Variants in OTUD7A observed in about 807,000 individuals in gnomAD.
OTUD7A encodes OTU domain-containing protein 7A.
Under a neutral mutation model 65.7 loss-of-function variants are expected in OTUD7A, and 12 were observed. The ratio of observed to expected loss-of-function variants is 0.18; its 90% CI spans 0.12 to 0.30. The LOEUF (loss-of-function observed/expected upper bound fraction) is 0.30. Ranked by LOEUF, OTUD7A falls within the 10% of genes least tolerant of loss-of-function variation. The pLI is 1.00. For missense variants in OTUD7A, 1,148 were observed against 1,304.8 expected (o/e 0.88, Z 1.85); for synonymous variants, 641 against 586.3 (o/e 1.09, Z -1.35).
At chr15:31,507,256 A>C (rs143397538) in intron 8 of OTUD7A, among the ~76,000 whole-genome samples, 96 of 152,254 alleles carry the variant, frequency 6.3e-4, no homozygotes, top group African/African-American at 2.1e-3. Flanking sequence ...GTAGGTTTAG[A>C]GTTAGTTAAG....
At chr15:31,597,469 C>T (rs913408416) in intron 3 of OTUD7A, among the ~76,000 whole-genome samples, 9 of 151,308 alleles carry the variant, frequency 5.9e-5, no homozygotes, top group Non-Finnish European at 1.2e-4. Flanking sequence ...AGCGTCAAGG[C>T]CCTCCTTTTT....
At chr15:31,855,178 A>G (rs1897536816) in intron 1 of OTUD7A, among the ~76,000 whole-genome samples, 2 of 152,228 alleles carry the variant, frequency 1.3e-5, no homozygotes, top group African/African-American at 4.8e-5. Flanking sequence ...TACTTAGTTT[A>G]AAAGAAAGTG....
chr15:31,657,931 C>T (rs1270365868), intron 1 of OTUD7A, among the ~76,000 whole-genome samples: 1 of 152,202 alleles, frequency 6.6e-6, no homozygotes, highest in Non-Finnish European at 1.5e-5. Flanking sequence ...CTCCTCAGTG[C>T]ATCCTAGCCC....
chr15:31,792,194 T>C (rs891985287), intron 1 of OTUD7A, among the ~76,000 whole-genome samples: 1 of 152,232 alleles, frequency 6.6e-6, no homozygotes, highest in Non-Finnish European at 1.5e-5. Flanking sequence ...GTCATCTCTC[T>C]GCCACTTTAT....
At chr15:31,560,936 C>A (rs1189202970) in intron 4 of OTUD7A, among the ~76,000 whole-genome samples, 1 of 152,220 alleles carries the variant, frequency 6.6e-6, no homozygotes, top group African/African-American at 2.4e-5. Flanking sequence ...ACAGAAATGG[C>A]ATTCATGGAG....
At chr15:31,591,728 C>T (rs1889730083) in intron 3 of OTUD7A, among the ~76,000 whole-genome samples, 2 of 152,216 alleles carry the variant, frequency 1.3e-5, no homozygotes, top group Admixed American at 6.5e-5. Context: ...CACACACAAA[C>T]ATGTATGGAT....
At chr15:31,528,283 G>A (rs1048711600) in intron 6 of OTUD7A, among the ~76,000 whole-genome samples, 2 of 152,214 alleles carry the variant, frequency 1.3e-5, no homozygotes, top group African/African-American at 4.8e-5. Flanking sequence ...CAAATGGGTG[G>A]AGGAAGGAGC....
chr15:31,563,345 C>G (rs187135179), intron 4 of OTUD7A, among the ~76,000 whole-genome samples: 1 of 152,340 alleles, frequency 6.6e-6, no homozygotes, highest in African/African-American at 2.4e-5. Flanking sequence ...GAGCCAAGGA[C>G]TGGAAGGGGT....
intron 1 of OTUD7A, among the ~76,000 whole-genome samples, chr15:31,860,209 CA>C (rs2141014659): frequency 6.6e-6 from 1 of 152,264 alleles, no homozygotes; most frequent in African/African-American, 2.4e-5. Context: ...TGCTGTATGA[CA>C]AGCAAGTCCC....
At chr15:31,745,065 T>C (rs537449918) in intron 1 of OTUD7A, among the ~76,000 whole-genome samples, 20 of 152,132 alleles carry the variant, frequency 1.3e-4, no homozygotes, top group Admixed American at 2.0e-4. Context: ...CCTTACAAAA[T>C]AGAAAAATAT....
chr15:31,554,590 T>C (rs1443725593), intron 5 of OTUD7A, among the ~76,000 whole-genome samples: 4 of 152,190 alleles, frequency 2.6e-5, no homozygotes, highest in Admixed American at 6.5e-5. Flanking sequence ...AAGGTGTGCC[T>C]AGAGATTTTT....
In OTUD7A at chr15:31,642,674, T is replaced by C. The variant is rs1255896678; in HGVS notation, c.151+12422A>G. Reference sequence around the variant, plus strand: ...ATTTAACTTGCTGCATTTATTGGCATAGAATTGTTTATAATATTCCTTTAT... The same window carrying C: ...ATTTAACTTGCTGCATTTATTGGCACAGAATTGTTTATAATATTCCTTTAT... On this transcript the variant is annotated intron_variant, in intron 3 of 12. Coordinates refer to ENST00000307050, the MANE Select transcript of OTUD7A (RefSeq NM_001382637.1). Among the ~76,000 whole-genome samples the C allele has an allele frequency of 3.9e-5, 6 of 152,108 alleles. No individual in the cohort carries two copies. The East Asian group carries it at 1.2e-3, about 29-fold the overall frequency.
intron 3 of OTUD7A, among the ~76,000 whole-genome samples, chr15:31,571,790 T>C (rs759506732): frequency 5.9e-5 from 9 of 152,202 alleles, no homozygotes; most frequent in Non-Finnish European, 1.0e-4. Context: ...CGGACTTATC[T>C]ATACTCCGTG....
At chr15:31,832,546 A>G (rs1186589973) in intron 1 of OTUD7A, among the ~76,000 whole-genome samples, 1 of 152,208 alleles carries the variant, frequency 6.6e-6, no homozygotes, top group Non-Finnish European at 1.5e-5. Flanking sequence ...ACAACCATCA[A>G]CAGAACTGTT....
intron 3 of OTUD7A, among the ~76,000 whole-genome samples, chr15:31,652,211 A>G (rs1891861100): frequency 1.3e-5 from 2 of 152,306 alleles, no homozygotes; most frequent in African/African-American, 2.4e-5. Context: ...CTTTTCGTCA[A>G]ATTGCAAAGG....
chr15:31,720,454 C>A (rs575799441), intron 1 of OTUD7A, among the ~76,000 whole-genome samples: 2 of 148,044 alleles, frequency 1.4e-5, no homozygotes, highest in East Asian at 2.0e-4. Context: ...GGCTGGAGTG[C>A]GGTGGCGCGC....
intron 4 of OTUD7A, among the ~76,000 whole-genome samples, chr15:31,563,888 C>G (rs1265963604): frequency 1.3e-5 from 2 of 150,902 alleles, no homozygotes; most frequent in African/African-American, 2.4e-5. Flanking sequence ...CGACTCTCAT[C>G]TGGAGGAGCA....
chr15:31,859,761 T>TA (rs1482847182), intron 1 of OTUD7A, among the ~76,000 whole-genome samples: 2 of 152,178 alleles, frequency 1.3e-5, no homozygotes, highest in African/African-American at 4.8e-5. Context: ...TCAGAACCTC[T>TA]AGAGGAAGTG....
At chr15:31,574,646 G>T (rs1373574647) in intron 3 of OTUD7A, among the ~76,000 whole-genome samples, 1 of 152,204 alleles carries the variant, frequency 6.6e-6, no homozygotes, top group African/African-American at 2.4e-5. Flanking sequence ...AATTGGCAAT[G>T]AAGTATATTA....
Sources: gnomAD v4.1 joint callset for allele counts (sites outside exome capture counted in the v4.1 genomes callset) on GRCh38, gnomAD v4.1.1 for gene constraint, MANE v1.5 for transcripts, NCBI Gene and HGNC (gene_info 2026-07-23, HGNC 2026-07-21) for gene names.